Variants in METTL22 observed in about 807,000 individuals in gnomAD.
The protein encoded by METTL22 is methyltransferase-like protein 22.
METTL22 carries 51 observed loss-of-function variants against 48.4 expected under a neutral mutation model. The observed-to-expected ratio is 1.05, with a 90% CI of 0.84 to 1.33. The LOEUF (loss-of-function observed/expected upper bound fraction) is 1.33, where lower values mean the gene tolerates loss of function less well. Ranked by LOEUF, METTL22 falls within the 40% of genes most tolerant of loss-of-function variation. METTL22 has a pLI of 0.00. For synonymous variants in METTL22, 255 were observed against 214.1 expected (o/e 1.19, Z -1.67); for missense variants, 678 against 526.9 (o/e 1.29, Z -2.81).
chr16:8,650,511 A>G (rs549745252), downstream of METTL22, among the ~76,000 whole-genome samples: 4 of 152,306 alleles, frequency 2.6e-5, no homozygotes, highest in Admixed American at 2.6e-4. Context: ...GGGAAGAAAT[A>G]CCTTCTAATG....
intron 3 of METTL22, among the ~76,000 whole-genome samples, chr16:8,632,321 C>T (rs1641033): frequency 0.99 from 150,378 of 152,286 alleles, 74,282 homozygotes; most frequent in Middle Eastern, 1. Context: ...TAGATCAGTT[C>T]TTGGTCAGAC....
chr16:8,664,512 G>A, the METTL22 span, among the ~76,000 whole-genome samples: 2 of 151,986 alleles, frequency 1.3e-5, no homozygotes, highest in African/African-American at 2.4e-5. Flanking sequence ...GGAGTGCAGT[G>A]ATGCTATCAC....
chr16:8,639,332 G>T (rs763943902), intron 6 of METTL22, 170 bp downstream of exon 6: 11 of 646,078 alleles, frequency 1.7e-5, no homozygotes, highest in Non-Finnish European at 3.0e-5. Flanking sequence ...GAGCATTGAG[G>T]ACGCTCCTTG....
intron 6 of METTL22, among the ~76,000 whole-genome samples, chr16:8,640,448 C>A (rs1430465721): frequency 1.3e-5 from 2 of 151,246 alleles, no homozygotes; most frequent in African/African-American, 4.9e-5. Flanking sequence ...TGTCTGGCAC[C>A]GTCCCTGACA....
At chr16:8,660,150 T>G in the METTL22 span, among the ~76,000 whole-genome samples, 4 of 147,640 alleles carry the variant, frequency 2.7e-5, no homozygotes, top group South Asian at 9.0e-4. Flanking sequence ...ATGTGTAACA[T>G]GGCCTGTTTT....
Position 8,644,591 on chromosome 16 carries a change from TGTGAAGCC to T in METTL22, c.1046_1053del (p.Cys349LeufsTer68). On this transcript the variant is annotated frameshift_variant, in exon 10 of 11. Coordinates refer to ENST00000381920, the MANE Select transcript of METTL22 (RefSeq NM_024109.4). LOFTEE classifies it high-confidence loss of function. The stretch of plus-strand genomic sequence containing the variant: ...CACATTGAGACACTTGGACGTCACA[TGTGAAGCC>T]TACGATCACTTCCGCTCCTGCCTGC... The T allele has an allele frequency of 1.3e-6, 2 of 1,594,034 alleles. No homozygotes were observed. The highest frequency in any genetic ancestry group is 1.7e-6 in the Non-Finnish European group (2 of 1,169,580).
the METTL22 span, among the ~76,000 whole-genome samples, chr16:8,662,344 G>A: frequency 8.9e-3 from 1,294 of 145,560 alleles, 193 homozygotes; most frequent in African/African-American, 0.031. Flanking sequence ...TGCCCAGGGT[G>A]AATATTGTTT....
At chr16:8,659,835 C>T in the METTL22 span, among the ~76,000 whole-genome samples, 1 of 151,102 alleles carries the variant, frequency 6.6e-6, no homozygotes, top group African/African-American at 2.4e-5. Context: ...GCGATCCTCC[C>T]ACCTCAGCCC....
chr16:8,650,957 T>G (rs7185062), downstream of METTL22, among the ~76,000 whole-genome samples: 150,429 of 152,326 alleles, frequency 0.99, 74,311 homozygotes, highest in Middle Eastern at 1. Context: ...AGAGGTGGAG[T>G]TTGCAGTGAG....
At chr16:8,651,573 G>T (rs888796960), downstream of METTL22, among the ~76,000 whole-genome samples, 1 of 152,014 alleles carries the variant, frequency 6.6e-6, no homozygotes, top group Non-Finnish European at 1.5e-5. Flanking sequence ...ATCATCACCT[G>T]CTAGAGACAT....
chr16:8,644,675 G>T lies in METTL22; in HGVS notation c.1129G>T (p.Val377Leu). ...DGKLRFVVEP[V>L]EASFPQLLVY... is the part of the protein sequence containing the mutation. ...CAAGCTGCGCTTCGTGGTGGAGCCC[G>T]TGGAGGCCTCCTTCCCACAGCTCCT... The change falls in exon 10 of 11, where the codon GTG becomes TTG. Residue 377 changes from valine to leucine, a missense_variant. Transcript: ENST00000381920. 6.2e-7 allele frequency: 1 copy of T among 1,605,128 alleles called. No individual in the cohort carries two copies. The highest frequency in any genetic ancestry group is 8.5e-7 in the Non-Finnish European group (1 of 1,175,870).
At chr16:8,666,193 A>G in the METTL22 span, among the ~76,000 whole-genome samples, 2 of 152,338 alleles carry the variant, frequency 1.3e-5, no homozygotes, top group South Asian at 4.1e-4. Context: ...CTGAGCAAGC[A>G]GTTCTTGGCC....
rs1292652245 is a variant in METTL22, at chr16:8,628,864, G to A, written c.268G>A (p.Gly90Arg). The A allele has an allele frequency of 6.2e-7, 1 of 1,613,892 alleles. No homozygotes were observed. Among genetic ancestry groups the A allele is most frequent in the South Asian group, 1.1e-5 (1 of 91,066 alleles). The change falls in exon 3 of 11, where the codon GGA becomes AGA. Residue 90 changes from glycine (G) to arginine (R), a missense_variant. Transcript: ENST00000381920. The stretch of plus-strand genomic sequence containing the variant: ...GACAGGCAGCACAGGGTCCCCTCCA[G>A]GAAGTGGCCATGGTAATGAGGGTTT... ...AETGSTGSPPGSGHGNEGFSL... is the reference protein window; with the variant it reads ...AETGSTGSPPRSGHGNEGFSL...
At chr16:8,655,115 C>A in the METTL22 span, among the ~76,000 whole-genome samples, 1 of 152,162 alleles carries the variant, frequency 6.6e-6, no homozygotes, top group Non-Finnish European at 1.5e-5. Flanking sequence ...TGCTGCATGA[C>A]AAAATACCCC....
At chr16:8,630,121 T>G (rs1455185364) in intron 3 of METTL22, among the ~76,000 whole-genome samples, 15 of 152,172 alleles carry the variant, frequency 9.9e-5, no homozygotes, top group Admixed American at 9.8e-4. Flanking sequence ...CCCCCAGCAC[T>G]GGCCTTTGGT....
intron 9 of METTL22, 45 bp from the exon 10 acceptor site, chr16:8,644,512 C>T: frequency 6.6e-7 from 1 of 1,505,068 alleles, no homozygotes. Context: ...CAAAACCCTT[C>T]CCATTGATGA....
chr16:8,622,575 T>C lies in METTL22; in HGVS notation c.-171+800T>C, dbSNP rs75205452. Among the ~76,000 whole-genome samples the C allele has an allele frequency of 1.1e-4, 17 of 152,330 alleles. No homozygotes were observed. In the East Asian group the frequency reaches 2.7e-3, roughly 24 times the overall value. On this transcript the variant is annotated intron_variant, in intron 1 of 10. Coordinates refer to ENST00000381920, the MANE Select transcript of METTL22 (RefSeq NM_024109.4). ...CCCTGCATTTCCGGAAAGAGACTTT[T>C]CCTGACTAGAGAAACTGTTACCTTT...
At chr16:8,625,853 A>T in intron 2 of METTL22, 55 bp downstream of exon 2, 1 of 1,598,608 alleles carries the variant, frequency 6.3e-7, no homozygotes, top group Non-Finnish European at 8.6e-7. Context: ...CTGCTTTCTC[A>T]TACTCATCTT....
chr16:8,635,115 G>C, intron 4 of METTL22, 36 bp downstream of exon 4: 1 of 1,613,892 alleles, frequency 6.2e-7, no homozygotes, highest in East Asian at 2.2e-5. Context: ...TGGCCCTGAT[G>C]GGTCCCTGCA....
Sources: allele counts gnomAD v4.1 joint callset (sites outside exome capture counted in the v4.1 genomes callset), GRCh38; gene constraint gnomAD v4.1.1; transcripts MANE v1.5; gene names NCBI Gene and HGNC (gene_info 2026-07-23, HGNC 2026-07-21).